Variants in IRAG2 observed in about 807,000 individuals in gnomAD.
The protein encoded by IRAG2 is lymphoid restricted membrane protein.
A neutral mutation model predicts 69.9 loss-of-function variants in IRAG2; 45 were observed. That is an observed-to-expected ratio of 0.64 (90% confidence interval 0.51 to 0.83). The LOEUF (loss-of-function observed/expected upper bound fraction) is 0.83. Among genes scored for constraint, IRAG2 ranks in the 40% least tolerant of loss-of-function variants. The probability of loss-of-function intolerance (pLI) is 0.00; values close to 1 mark genes in which losing one functional copy is unlikely to be tolerated. For synonymous variants in IRAG2, 193 were observed against 202.4 expected (o/e 0.95, Z 0.40); for missense variants, 520 against 587.0 (o/e 0.89, Z 1.18).
At chr12:25,099,147 CAT>C (rs989561602) in intron 15 of IRAG2, among the ~76,000 whole-genome samples, 10 of 152,150 alleles carry the variant, frequency 6.6e-5, no homozygotes, top group Admixed American at 1.3e-4. Context: ...CTCTCAAATT[CAT>C]ATGTTTAGCC....
At chr12:25,030,289 C>A (rs937660719) in exon 10 of IRAG2, 116 of 1,231,550 alleles carry the variant, frequency 9.4e-5, no homozygotes, top group Non-Finnish European at 1.1e-4. Flanking sequence ...TGCAGTTACA[C>A]ACATATGAGA....
exon 12 of IRAG2, chr12:25,032,352 G>T (rs1013469500): frequency 2.8e-5 from 11 of 399,032 alleles, no homozygotes; most frequent in East Asian, 2.5e-4. Flanking sequence ...TACAGCACTT[G>T]CAACAGGCAC....
intron 9 of IRAG2, among the ~76,000 whole-genome samples, chr12:25,082,867 C>G (rs1947320021): frequency 6.6e-6 from 1 of 152,050 alleles, no homozygotes; most frequent in African/African-American, 2.4e-5. Context: ...GAATAATTAT[C>G]CGGTACATTT....
At chr12:25,002,279 T>C (rs927455733), upstream of IRAG2, among the ~76,000 whole-genome samples, 12 of 152,314 alleles carry the variant, frequency 7.9e-5, no homozygotes, top group East Asian at 1.3e-3. Context: ...TGAAAAGTAG[T>C]TGGGAGCCAA....
intron 17 of IRAG2, among the ~76,000 whole-genome samples, chr12:25,102,959 G>A (rs535981582): frequency 2.6e-5 from 4 of 152,278 alleles, no homozygotes; most frequent in East Asian, 3.9e-4. Context: ...TTTTTCAGAT[G>A]AGGGAAGAGA....
At chr12:25,035,881 A>G (rs17324984) in intron 14 of IRAG2, 123,015 of 397,336 alleles carry the variant, frequency 0.31, 20,369 homozygotes, top group Admixed American at 0.47. Context: ...GTCCAAATGT[A>G]TCTGTGTGCT....
intron 1 of IRAG2, among the ~76,000 whole-genome samples, chr12:25,053,229 T>G (rs2139889234): frequency 6.6e-6 from 1 of 151,706 alleles, no homozygotes; most frequent in African/African-American, 2.4e-5. Context: ...AATTAAAACT[T>G]CTCAAAATTT....
In IRAG2 at chr12:25,027,873, A is replaced by G. The variant is rs548526570; in HGVS notation, c.1461+1007A>G. On this transcript the variant is annotated intron_variant, in intron 9 of 38. Transcript: ENST00000636465. ...ACATATGTCTTGATTTCTCTTGGGT[A>G]TATACCTAGGAGTGAAATTACTGGG... 1.1e-3 allele frequency among the ~76,000 whole-genome samples: 173 copies of G among 152,228 alleles called. 2 individuals are homozygous for G. Among genetic ancestry groups the G allele is most frequent in the Non-Finnish European group, 2.1e-3 (142 of 68,010 alleles).
Position 25,083,174 on chromosome 12 carries a change from T to TA in IRAG2, c.245-243dup, listed in dbSNP as rs534119030. On this transcript the variant is annotated intron_variant, in intron 9 of 21. Transcript: ENST00000556887. Reference sequence around the variant, plus strand: ...CAGCAGCAGCCTAAAAAATGATTTTTAAAAAATCCTATTAGAAGGCCATTT... The same window carrying TA: ...CAGCAGCAGCCTAAAAAATGATTTTTAAAAAAATCCTATTAGAAGGCCATTT... Among the ~76,000 whole-genome samples the TA allele has an allele frequency of 1.4e-4, 22 of 152,334 alleles. No individual in the cohort carries two copies. In the East Asian group the frequency reaches 4.0e-3, roughly 28 times the overall value.
At chr12:24,998,701 T>A in the IRAG2 span, among the ~76,000 whole-genome samples, 2 of 152,078 alleles carry the variant, frequency 1.3e-5, no homozygotes, top group African/African-American at 2.4e-5. Flanking sequence ...TTTTTTTTTT[T>A]ACGTATATTA....
At chr12:25,076,494 A>T (rs1946697784) in intron 6 of IRAG2, 11 of 984,960 alleles carry the variant, frequency 1.1e-5, no homozygotes, top group Non-Finnish European at 1.3e-5. Context: ...CTTTGGCTTT[A>T]AATACTAATT....
intron 1 of IRAG2, among the ~76,000 whole-genome samples, chr12:25,058,970 A>C (rs1945438725): frequency 6.6e-6 from 1 of 152,248 alleles, no homozygotes; most frequent in Admixed American, 6.5e-5. Context: ...TATGCATTGC[A>C]CAAAACATCT....
chr12:25,046,911 T>C (rs1944799271), intron 16 of IRAG2, among the ~76,000 whole-genome samples: 1 of 152,184 alleles, frequency 6.6e-6, no homozygotes, highest in Non-Finnish European at 1.5e-5. Context: ...GACATTACCG[T>C]TCCTGATTTC....
intron 16 of IRAG2, among the ~76,000 whole-genome samples, chr12:25,040,244 C>T (rs926992510): frequency 6.6e-6 from 1 of 152,226 alleles, no homozygotes; most frequent in Non-Finnish European, 1.5e-5. Context: ...TGCCCCGGCT[C>T]ATGCCTGTAA....
intron 9 of IRAG2, among the ~76,000 whole-genome samples, chr12:25,029,063 G>A (rs1944648478): frequency 6.6e-6 from 1 of 152,018 alleles, no homozygotes; most frequent in African/African-American, 2.4e-5. Flanking sequence ...CAAGTAGCTG[G>A]GAGTACAGAG....
intron 7 of IRAG2, chr12:25,021,091 CTTTTTTT>C (rs71063389): frequency 7.1e-4 from 193 of 273,616 alleles, no homozygotes; most frequent in Middle Eastern, 3.0e-3. Flanking sequence ...TCTTTCTTTT[CTTTTTTT>C]TTTTTTCTTT....
At chr12:24,999,449 G>A (rs1335421735), upstream of IRAG2, among the ~76,000 whole-genome samples, 1 of 152,076 alleles carries the variant, frequency 6.6e-6, no homozygotes, top group Non-Finnish European at 1.5e-5. Flanking sequence ...TAATAATAAT[G>A]GGACTCAGAA....
chr12:25,008,991 T>A (rs986535527), intron 2 of IRAG2, among the ~76,000 whole-genome samples: 30 of 152,316 alleles, frequency 2.0e-4, no homozygotes, highest in Admixed American at 1.5e-3. Context: ...CAATTGGATA[T>A]TAATTTTTTC....
chr12:25,102,618 A>G, intron 17 of IRAG2: 1 of 192,998 alleles, frequency 5.2e-6, no homozygotes, highest in Non-Finnish European at 1.1e-5. Context: ...CTTTAGATCC[A>G]GGCACCAAGC....
Sources: allele counts gnomAD v4.1 joint callset (sites outside exome capture counted in the v4.1 genomes callset), GRCh38; gene constraint gnomAD v4.1.1; transcripts MANE v1.5; gene names NCBI Gene and HGNC (gene_info 2026-07-23, HGNC 2026-07-21).